The following TANC2 variants were observed in gnomAD, a reference collection of about 807,000 sequenced individuals.
TANC2 encodes the protein protein TANC2.
In TANC2, 26 loss-of-function variants were observed where a neutral mutation model predicts 210.5. The ratio of observed to expected loss-of-function variants is 0.12; its 90% CI spans 0.09 to 0.17. The LOEUF is 0.17. TANC2 is among the 10% of genes least tolerant of loss of function. The pLI is 1.00. For missense variants in TANC2, 2,129 were observed against 2,608.9 expected (o/e 0.82, Z 4.01); for synonymous variants, 931 against 967.1 (o/e 0.96, Z 0.69).
intron 5 of TANC2, among the ~76,000 whole-genome samples, chr17:63,186,679 T>C (rs994244001): frequency 6.6e-6 from 1 of 152,144 alleles, no homozygotes; most frequent in South Asian, 2.1e-4. Flanking sequence ...TCTATACTAT[T>C]CTTGGATCTT....
rs529045818 is a variant in TANC2, at chr17:63,022,798, G to T, written c.67+13172G>T. 3.3e-5 allele frequency among the ~76,000 whole-genome samples: 5 copies of T among 152,234 alleles called. 1 individual carries two copies. The South Asian group carries it at 1.0e-3, about 32-fold the overall frequency. On this transcript the variant is annotated intron_variant, in intron 2 of 27. Transcript: ENST00000689528. ...TTGCATGCCAGTGTGGTCCTGCTTG[G>T]CTGCACCAGCTGTGTGGCTCAAGTG... is the stretch of plus-strand genomic sequence containing the variant.
At chr17:63,263,845 G>A (rs145575993) in intron 8 of TANC2, among the ~76,000 whole-genome samples, 6 of 152,292 alleles carry the variant, frequency 3.9e-5, no homozygotes, top group African/African-American at 7.2e-5. Context: ...GTCCCTGCTC[G>A]TGTAGAGCTA....
At chr17:63,011,812 C>T (rs1484639519) in intron 2 of TANC2, among the ~76,000 whole-genome samples, 1 of 151,778 alleles carries the variant, frequency 6.6e-6, no homozygotes, top group Non-Finnish European at 1.5e-5. Context: ...TTTCTGTGTG[C>T]TTATGCTGTT....
chr17:63,175,424 G>A (rs1023075137), intron 5 of TANC2, among the ~76,000 whole-genome samples: 7 of 151,542 alleles, frequency 4.6e-5, no homozygotes, highest in Non-Finnish European at 8.8e-5. Flanking sequence ...CTATTCAAGA[G>A]GCTAAGGCAA....
intron 14 of TANC2, among the ~76,000 whole-genome samples, chr17:63,375,821 G>A (rs185602982): frequency 7.3e-4 from 111 of 152,324 alleles, no homozygotes; most frequent in African/African-American, 2.5e-3. Flanking sequence ...TGGGTGCAGT[G>A]GCTCATGCTT....
At chr17:63,201,220 C>T (rs1021516464) in intron 7 of TANC2, among the ~76,000 whole-genome samples, 2 of 152,040 alleles carry the variant, frequency 1.3e-5, no homozygotes, top group African/African-American at 4.8e-5. Context: ...TCCACTTCTT[C>T]CTGTAAATGC....
chr17:63,351,358 T>G, exon 13 of TANC2: 7 of 1,610,714 alleles, frequency 4.3e-6, no homozygotes, highest in Non-Finnish European at 3.4e-6. Flanking sequence ...CTGAGTAAAA[T>G]GATCGGAAAG....
chr17:63,023,350 T>C (rs902838910), intron 2 of TANC2, among the ~76,000 whole-genome samples: 2 of 152,056 alleles, frequency 1.3e-5, no homozygotes, highest in Non-Finnish European at 2.9e-5. Flanking sequence ...AAAGATTATT[T>C]TGTGTGTGTA....
intron 11 of TANC2, among the ~76,000 whole-genome samples, chr17:63,325,025 A>G (rs1460264230): frequency 3.1e-5 from 4 of 127,100 alleles, no homozygotes; most frequent in Non-Finnish European, 6.3e-5. Context: ...TGCTTTTCCC[A>G]GGACCGGTTA....
chr17:63,126,544 G>A (rs1218295076), intron 4 of TANC2, among the ~76,000 whole-genome samples: 2 of 152,040 alleles, frequency 1.3e-5, no homozygotes, highest in East Asian at 3.9e-4. Context: ...AAGTAGCTGG[G>A]ACTACAGGTG....
chr17:63,324,659 TA>T (rs1361294965), intron 11 of TANC2, among the ~76,000 whole-genome samples: 1 of 152,236 alleles, frequency 6.6e-6, no homozygotes, highest in Admixed American at 6.5e-5. Flanking sequence ...TTTTCTTCTC[TA>T]AAAATTAACA....
rs1192521078 is a variant in TANC2 at position 63,418,201 on chromosome 17, TC to T, written c.4168-104del. 8.5e-7 allele frequency: 1 copy of T among 1,177,396 alleles called. No individual in the cohort carries two copies. Among genetic ancestry groups the T allele is most frequent in the Non-Finnish European group, 1.2e-6 (1 of 827,202 alleles). 72.9% of individuals were successfully genotyped at this position (1,177,396 alleles called of 1,614,324 possible). ...CAGGCACGTCTAGCGTCCCAGGCGT[TC>T]CATCCATGAATGTCAAAAAATGTAC... On this transcript the variant is annotated intron_variant, in intron 26 of 27. Transcript: ENST00000689528. The surrounding 1 kb of genome is among the most constrained non-coding windows in gnomAD (Gnocchi z 4.6).
intron 9 of TANC2, among the ~76,000 whole-genome samples, chr17:63,308,567 A>G (rs1264988200): frequency 6.6e-6 from 1 of 152,184 alleles, no homozygotes; most frequent in Non-Finnish European, 1.5e-5. Flanking sequence ...ATATATTTAT[A>G]TATTTTTTGA....
intron 8 of TANC2, among the ~76,000 whole-genome samples, chr17:63,265,436 T>A (rs2043494712): frequency 6.6e-6 from 1 of 152,174 alleles, no homozygotes; most frequent in Non-Finnish European, 1.5e-5. Flanking sequence ...TAATGACCCA[T>A]TTTCAGAGCT....
At chr17:63,346,541 G>GAGAATACCACTTCACACCCATT (rs548684307) in intron 12 of TANC2, among the ~76,000 whole-genome samples, 4 of 152,186 alleles carry the variant, frequency 2.6e-5, no homozygotes, top group Non-Finnish European at 4.4e-5. Context: ...AAATTACAAT[G>GAGAATACCACTTCACACCCATT]AGAATACCAC....
At chr17:63,306,386 A>G (rs1318625343) in intron 9 of TANC2, among the ~76,000 whole-genome samples, 1 of 152,178 alleles carries the variant, frequency 6.6e-6, no homozygotes, top group Non-Finnish European at 1.5e-5. Flanking sequence ...CTACTAATAC[A>G]TAAAAATTAT....
rs143130591 is a variant in TANC2, at chr17:63,163,255, G to A, written c.433+11875G>A. On this transcript the variant is annotated intron_variant, in intron 5 of 27. Transcript: ENST00000689528. ...AGATTAAGGTTATGGACAGTTTGTA[G>A]TCATTAGTAATGACAGTGTTAAGAA... Among the ~76,000 whole-genome samples, 32 of 152,260 alleles carry A rather than the reference G, an allele frequency of 2.1e-4. 1 individual carries two copies. The highest frequency in any genetic ancestry group is 1.2e-3 in the East Asian group (6 of 5,160).
In TANC2 at chr17:63,418,495, C is replaced by T. The variant is rs987717533; in HGVS notation, c.4268+88C>T. ...CGTCGGCCACCCTGGGGCATATGTA[C>T]CCAAATACATCTCTGTCCTTGAGAA... On this transcript the variant is annotated intron_variant, in intron 27 of 27. Coordinates refer to ENST00000689528, the Ensembl canonical transcript of TANC2. This position sits in a 1 kb window ranked among gnomAD's most constrained non-coding sequence, Gnocchi z 4.6. The T allele has an allele frequency of 1.8e-6, 2 of 1,123,330 alleles. No individual in the cohort carries two copies. The highest frequency in any genetic ancestry group is 4.2e-5 in the Admixed American group (2 of 47,290). 69.6% of individuals were successfully genotyped at this position (1,123,330 alleles called of 1,614,324 possible).
At chr17:63,047,048 A>T (rs1275461218) in intron 2 of TANC2, among the ~76,000 whole-genome samples, 2 of 152,182 alleles carry the variant, frequency 1.3e-5, no homozygotes, top group Non-Finnish European at 2.9e-5. Flanking sequence ...CATGTGACAT[A>T]AAAATAGCCT....
Sources: allele counts gnomAD v4.1 joint callset (sites outside exome capture counted in the v4.1 genomes callset), GRCh38; gene constraint gnomAD v4.1.1; non-coding constraint Gnocchi (gnomAD v3.1); transcripts MANE v1.5; gene names NCBI Gene and HGNC (gene_info 2026-07-23, HGNC 2026-07-21).